The following HYDIN variants were observed in gnomAD, a reference collection of about 807,000 sequenced individuals.
HYDIN encodes axonemal central pair apparatus protein HYDIN.
In HYDIN, 132 loss-of-function variants were observed where a neutral mutation model predicts 403.9. That is an observed-to-expected ratio of 0.33 (90% CI 0.28 to 0.38). The LOEUF is 0.38. Ranked by LOEUF, HYDIN falls within the 10% of genes least tolerant of loss-of-function variation. The pLI, the probability that HYDIN is intolerant of heterozygous loss-of-function variation, is 1.00. For missense variants in HYDIN, 2,827 were observed against 5,009.5 expected, an observed-to-expected ratio of 0.56 and a Z score of 13.15; for synonymous variants, 1,202 against 1,891.7, an observed-to-expected ratio of 0.64 and a Z score of 9.46.
At chr16:71,108,146 C>T (rs988140350) in intron 10 of HYDIN, among the ~76,000 whole-genome samples, 1 of 152,132 alleles carries the variant, frequency 6.6e-6, no homozygotes, top group Non-Finnish European at 1.5e-5. Flanking sequence ...AAGAGGGGAA[C>T]AACAGACACT....
In HYDIN at chr16:70,951,283, AGAGAGG is replaced by A. The variant is rs1462909372; in HGVS notation, c.6531+1132_6531+1137del. Among the ~76,000 whole-genome samples the A allele has an allele frequency of 9.0e-4, 128 of 141,538 alleles. 1 individual carries two copies. Among genetic ancestry groups the A allele is most frequent in the African/African-American group, 3.0e-3 (121 of 40,044 alleles). 92.9% of individuals were successfully genotyped at this position (141,538 alleles called of 152,430 possible). On this transcript the variant is annotated intron_variant, in intron 41 of 85. Transcript: ENST00000393567. ...GAGAGAGAGAGAGAGAGAGAGAGGG[AGAGAGG>A]GAGAGAGAGAGAGAGAAACTTCACA...
At chr16:70,815,508 CA>C (rs2035781212) in intron 84 of HYDIN, among the ~76,000 whole-genome samples, 1 of 151,426 alleles carries the variant, frequency 6.6e-6, no homozygotes, top group Admixed American at 6.6e-5. Context: ...GAAAGTATGA[CA>C]ATTAAAACAT....
chr16:71,176,074 G>A (rs576474470), intron 4 of HYDIN, among the ~76,000 whole-genome samples: 9 of 148,282 alleles, frequency 6.1e-5, no homozygotes, highest in Non-Finnish European at 1.2e-4. Context: ...GGGAGGCCGA[G>A]GCAGGAGGAT....
intron 62 of HYDIN, among the ~76,000 whole-genome samples, chr16:70,875,883 T>C (rs1185343353): frequency 6.6e-6 from 1 of 152,060 alleles, no homozygotes; most frequent in Non-Finnish European, 1.5e-5. Context: ...AGGGAATGGG[T>C]GGATAGGAAT....
Position 70,843,427 on chromosome 16 carries a change from T to C in HYDIN, c.12874-3194A>G, listed in dbSNP as rs1034761572. 9.9e-4 allele frequency among the ~76,000 whole-genome samples: 123 copies of C among 124,750 alleles called. 1 individual carries two copies. Among genetic ancestry groups the C allele is most frequent in the South Asian group, 1.3e-3 (5 of 3,902 alleles). The allele number at this position is 124,750 out of a possible 152,430, so 81.8% of individuals were successfully genotyped here. On this transcript the variant is annotated intron_variant, in intron 75 of 85. Transcript: ENST00000393567. ...ATGGTGTATATGTGCCACATTTTCT[T>C]AATCCAGTCTATCATTGTTGGACAT...
At chr16:71,017,072 G>A (rs2080285084) in intron 23 of HYDIN, among the ~76,000 whole-genome samples, 1 of 151,998 alleles carries the variant, frequency 6.6e-6, no homozygotes, top group Non-Finnish European at 1.5e-5. Flanking sequence ...GGGTACGGTG[G>A]CCCACACCTG....
intron 4 of HYDIN, among the ~76,000 whole-genome samples, chr16:71,178,434 A>AAATATAT (rs1555501894): frequency 4.8e-4 from 45 of 94,548 alleles, no homozygotes; most frequent in African/African-American, 1.9e-3. Context: ...AAAAAAAAAA[A>AAATATAT]ATATATATAT....
intron 44 of HYDIN, among the ~76,000 whole-genome samples, chr16:70,937,669 CAAAAAA>C (rs55658404): frequency 4.9e-5 from 4 of 80,966 alleles, no homozygotes; most frequent in Non-Finnish European, 9.4e-5. Flanking sequence ...GAGTCTGTCT[CAAAAAA>C]AAAAAAAAAA....
chr16:71,191,650 G>A (rs184232177), intron 1 of HYDIN, among the ~76,000 whole-genome samples: 1 of 152,000 alleles, frequency 6.6e-6, no homozygotes, highest in African/African-American at 2.4e-5. Flanking sequence ...GGGCCCCTTA[G>A]ACCACCTCAT....
intron 84 of HYDIN, chr16:70,811,457 GA>G (rs1258269647): frequency 1.3e-5 from 2 of 152,404 alleles, no homozygotes; most frequent in African/African-American, 4.9e-5. Context: ...TTTTAAAAAA[GA>G]AAAATATCAG....
intron 10 of HYDIN, among the ~76,000 whole-genome samples, chr16:71,110,514 T>C (rs1214168967): frequency 7.0e-6 from 1 of 143,824 alleles, no homozygotes; most frequent in Non-Finnish European, 1.5e-5. Context: ...TATATATCAA[T>C]ATATCAATTT....
At chr16:71,012,235 C>T (rs2080111468) in intron 23 of HYDIN, among the ~76,000 whole-genome samples, 1 of 152,262 alleles carries the variant, frequency 6.6e-6, no homozygotes, top group South Asian at 2.1e-4. Context: ...AGAGATGGAC[C>T]TAATAAAAGG....
At chr16:71,113,439 G>C (rs932450670) in intron 10 of HYDIN, 4 of 152,060 alleles carry the variant, frequency 2.6e-5, no homozygotes, top group Non-Finnish European at 5.9e-5. Context: ...AGTAATACAA[G>C]AACTTCTATT....
At chr16:70,855,867 G>A (rs2038991977) in intron 72 of HYDIN, among the ~76,000 whole-genome samples, 1 of 152,180 alleles carries the variant, frequency 6.6e-6, no homozygotes, top group Non-Finnish European at 1.5e-5. Flanking sequence ...TAATTTTTTG[G>A]TATAAATATG....
Position 71,186,937 on chromosome 16 carries a change from T to C in HYDIN, c.-23-19A>G. 1 of 1,555,658 alleles carries C rather than the reference T, an allele frequency of 6.4e-7. No individual in the cohort carries two copies. Among genetic ancestry groups the C allele is most frequent in the Non-Finnish European group, 8.8e-7 (1 of 1,137,868 alleles). ...TTCTCACCTAAGAGTGAAACAAAAA[T>C]GTCTTAGAACAAATACAGTTAATTC... On this transcript the variant is annotated intron_variant, in intron 1 of 85. Transcript: ENST00000393567.
chr16:71,036,917 T>A (rs1232784241), intron 18 of HYDIN, among the ~76,000 whole-genome samples: 1 of 151,810 alleles, frequency 6.6e-6, no homozygotes, highest in Non-Finnish European at 1.5e-5. Context: ...ATGGAAAATT[T>A]GACTAAAAAA....
At position 70,892,339 on chromosome 16, in the gene HYDIN, C is replaced by T. The variant is rs535236235; in HGVS notation, c.9417+22G>A. ...GTACGATCCTGCCATTGAGGCAGCC[C>T]CTCCCTTTGGAGCTCTCTTACCTGA... On this transcript the variant is annotated intron_variant, in intron 56 of 85. Coordinates refer to ENST00000393567, the MANE Select transcript of HYDIN (RefSeq NM_001270974.2). The T allele has an allele frequency of 2.6e-6, 4 of 1,563,200 alleles. No homozygotes were observed. The South Asian group carries it at 4.9e-5, about 19-fold the overall frequency.
chr16:71,211,484 CA>C (rs927046272), intron 1 of HYDIN, among the ~76,000 whole-genome samples: 1 of 151,276 alleles, frequency 6.6e-6, no homozygotes, highest in South Asian at 2.1e-4. Flanking sequence ...ACTAAAAATA[CA>C]AAAAAAATTA....
intron 28 of HYDIN, 140 bp downstream of exon 28, chr16:70,985,045 A>G: frequency 1.3e-6 from 1 of 796,230 alleles, no homozygotes; most frequent in Non-Finnish European, 1.9e-6. Context: ...GCTTGGATTT[A>G]TTTTTTTTTT....
Sources: allele counts gnomAD v4.1 joint callset (sites outside exome capture counted in the v4.1 genomes callset), GRCh38; gene constraint gnomAD v4.1.1; transcripts MANE v1.5; gene names NCBI Gene and HGNC (gene_info 2026-07-23, HGNC 2026-07-21).